KIF3C: variants seen among roughly 807,000 people sequenced by gnomAD.
KIF3C encodes the protein kinesin family member 3C.
A neutral mutation model predicts 67.7 loss-of-function variants in KIF3C; 12 were observed. That is an observed-to-expected ratio of 0.18 (90% confidence interval 0.11 to 0.29). The LOEUF is 0.29. KIF3C is among the 10% of genes least tolerant of loss of function. The pLI, the probability that KIF3C is intolerant of heterozygous loss-of-function variation, is 1.00. For missense variants in KIF3C, 789 were observed against 1,059.6 expected (o/e 0.74, Z 3.55); for synonymous variants, 393 against 426.2 (o/e 0.92, Z 0.96).
rs867587712 is a variant in KIF3C, at chr2:25,981,874, G to A, written c.44C>T (p.Ala15Val). ...TKASEALKVV[A>V]RCRPLSRKEE... ...CTTCCTGCTGAGGGGGCGGCACCGG[G>A]CCACCACCTTGAGGGCCTCGCTGGC... Residue 15 changes from alanine (A) to valine (V), a missense_variant, in exon 1 of 8, where the codon GCC becomes GTC. Physicochemically the swap from Ala to Val is moderately conservative, Grantham distance 64. Transcript: ENST00000264712. The surrounding 1 kb of genome is among the most constrained non-coding windows in gnomAD (Gnocchi z 8.2). The A allele has an allele frequency of 1.3e-6, 2 of 1,590,610 alleles. No homozygotes were observed. Among genetic ancestry groups the A allele is most frequent in the Non-Finnish European group, 1.7e-6 (2 of 1,168,684 alleles).
At chr2:25,956,051 T>C (rs187774799) in intron 2 of KIF3C, among the ~76,000 whole-genome samples, 16 of 152,302 alleles carry the variant, frequency 1.1e-4, no homozygotes, top group Non-Finnish European at 1.6e-4. Flanking sequence ...AGTCATACAG[T>C]TGGCAAAGAA....
intron 1 of KIF3C, among the ~76,000 whole-genome samples, chr2:25,972,722 C>T (rs1437518275): frequency 1.3e-5 from 2 of 152,190 alleles, no homozygotes; most frequent in African/African-American, 2.4e-5. Flanking sequence ...ACATTAAGAT[C>T]AGGACAGTGG....
intron 1 of KIF3C, among the ~76,000 whole-genome samples, chr2:25,978,679 A>G (rs1456318396): frequency 6.6e-6 from 1 of 152,058 alleles, no homozygotes; most frequent in Non-Finnish European, 1.5e-5. Flanking sequence ...CCTTCACCCC[A>G]TCCCTCAGGC....
rs1574488422 is a variant in KIF3C at position 25,955,359 on chromosome 2, C to G, written c.1770+182G>C. On this transcript the variant is annotated intron_variant, in intron 3 of 7. Coordinates refer to ENST00000264712, the MANE Select transcript of KIF3C (RefSeq NM_002254.8). This position sits in a 1 kb window ranked among gnomAD's most constrained non-coding sequence, Gnocchi z 5.0. ...CCACCCTGGCCCAGGAGAAAAGGCT[C>G]TACTCCACCCCCAGCCCCCGCCTCC... 6.6e-6 allele frequency among the ~76,000 whole-genome samples: 1 copy of G among 152,080 alleles called. No individual in the cohort carries two copies.
At chr2:25,977,030 C>G (rs1664435817) in intron 1 of KIF3C, among the ~76,000 whole-genome samples, 1 of 152,066 alleles carries the variant, frequency 6.6e-6, no homozygotes, top group South Asian at 2.1e-4. Context: ...ATTTCCCGCC[C>G]ACACCCTCCC....
At chr2:25,970,318 A>G (rs1664245338) in intron 1 of KIF3C, among the ~76,000 whole-genome samples, 1 of 152,196 alleles carries the variant, frequency 6.6e-6, no homozygotes, top group South Asian at 2.1e-4. Context: ...CACTAGTCAG[A>G]TGAAGATTCA....
intron 6 of KIF3C, among the ~76,000 whole-genome samples, chr2:25,929,701 C>T (rs553155366): frequency 5.2e-4 from 79 of 151,970 alleles, no homozygotes; most frequent in Non-Finnish European, 9.3e-4. Flanking sequence ...CTGCAACCTC[C>T]ACCTCCCAGG....
chr2:25,976,407 CT>C (rs1354653069), intron 1 of KIF3C, among the ~76,000 whole-genome samples: 1 of 152,114 alleles, frequency 6.6e-6, no homozygotes, highest in Non-Finnish European at 1.5e-5. Flanking sequence ...CACAAACACT[CT>C]TTTTTTCCTT....
At chr2:25,974,148 C>A (rs1559558361) in intron 1 of KIF3C, among the ~76,000 whole-genome samples, 1 of 152,038 alleles carries the variant, frequency 6.6e-6, no homozygotes, top group African/African-American at 2.4e-5. Context: ...CGGCTCACTG[C>A]AACCTCTGCC....
At chr2:25,951,170 G>A (rs1663600947) in intron 5 of KIF3C, among the ~76,000 whole-genome samples, 3 of 152,134 alleles carry the variant, frequency 2.0e-5, no homozygotes, top group East Asian at 1.9e-4. Context: ...CTGTTGGGAT[G>A]TTCTTCATGG....
At chr2:25,949,353 C>G (rs34344489) in intron 5 of KIF3C, among the ~76,000 whole-genome samples, 1 of 151,988 alleles carries the variant, frequency 6.6e-6, no homozygotes, top group Non-Finnish European at 1.5e-5. Flanking sequence ...GCAGGCAGAT[C>G]GCTTCAGCCC....
rs547011413 is a variant in KIF3C at position 25,972,965 on chromosome 2, A to G, written c.1545+7408T>C. Among the ~76,000 whole-genome samples the G allele has an allele frequency of 3.3e-5, 5 of 152,112 alleles. No homozygotes were observed. In the South Asian group the frequency reaches 8.3e-4, roughly 25 times the overall value. On this transcript the variant is annotated intron_variant, in intron 1 of 7. Transcript: ENST00000264712. Reference sequence around the variant, plus strand: ...TGACTCTTCTCTAACTGGTTATGACAGAGAGCTGAAAAACATCCTCTATTA... The same window carrying G: ...TGACTCTTCTCTAACTGGTTATGACGGAGAGCTGAAAAACATCCTCTATTA...
chr2:25,970,329 C>T (rs34980937), intron 1 of KIF3C, among the ~76,000 whole-genome samples: 4,664 of 152,186 alleles, frequency 0.031, 87 homozygotes, highest in African/African-American at 0.054. Flanking sequence ...TGAAGATTCA[C>T]GCTACCGTGA....
In KIF3C at chr2:25,929,993, G is replaced by C; in HGVS notation, c.2077C>G (p.Arg693Gly). 2 of 1,614,060 alleles carry C rather than the reference G, an allele frequency of 1.2e-6. No individual in the cohort carries two copies. The highest frequency in any genetic ancestry group is 1.7e-6 in the Non-Finnish European group (2 of 1,179,940). Reference protein sequence around the residue: ...GYKRPISQYARVAMAMGSHPR... With the variant: ...GYKRPISQYAGVAMAMGSHPR... ...TGGGACCCCATTGCCATGGCAACCC[G>C]AGCATACTGGCTGATAGGCCTCTTG... Residue 693 changes from arginine to glycine, a missense_variant, in exon 6 of 8, where the codon CGG becomes GGG. Arg to Gly is a moderately radical substitution (Grantham distance 125). Around this residue, in one of 2 missense-constraint regions of KIF3C, gnomAD observed 648 missense variants for 807.8 expected, o/e 0.80. Transcript: ENST00000264712.
At chr2:25,954,950 C>T (rs1215217003) in intron 3 of KIF3C, among the ~76,000 whole-genome samples, 1 of 152,200 alleles carries the variant, frequency 6.6e-6, no homozygotes, top group Non-Finnish European at 1.5e-5. Flanking sequence ...GTGGCAGTGC[C>T]TCTGCCAGGC....
intron 5 of KIF3C, chr2:25,933,891 T>C: frequency 3.7e-6 from 1 of 268,198 alleles, no homozygotes; most frequent in Non-Finnish European, 7.5e-6. Context: ...ATTGAAAACA[T>C]GTATTCATAT....
chr2:25,963,665 G>GTATTAT (rs72088886), intron 1 of KIF3C, among the ~76,000 whole-genome samples: 1,620 of 125,820 alleles, frequency 0.013, 18 homozygotes, highest in African/African-American at 0.026. Flanking sequence ...TAGGCATGAA[G>GTATTAT]TATTATTATT....
At chr2:25,977,731 G>C (rs978081818) in intron 1 of KIF3C, among the ~76,000 whole-genome samples, 1 of 152,160 alleles carries the variant, frequency 6.6e-6, no homozygotes, top group Non-Finnish European at 1.5e-5. Flanking sequence ...CAGGACTGGG[G>C]TTGGTATCTC....
intron 5 of KIF3C, among the ~76,000 whole-genome samples, chr2:25,930,316 C>T (rs1009772188): frequency 1.3e-5 from 2 of 152,082 alleles, no homozygotes; most frequent in Non-Finnish European, 2.9e-5. Context: ...TCAGATGTTT[C>T]GAGAGACAGA....
Sources: allele counts gnomAD v4.1 joint callset (sites outside exome capture counted in the v4.1 genomes callset), GRCh38; gene constraint gnomAD v4.1.1; regional missense constraint gnomAD v4.1.1; non-coding constraint Gnocchi (gnomAD v3.1); transcripts MANE v1.5; gene names NCBI Gene and HGNC (gene_info 2026-07-23, HGNC 2026-07-21).